The following TXNDC11 variants were observed in gnomAD, a reference collection of about 807,000 sequenced individuals.
TXNDC11 encodes thioredoxin domain containing 11, also known as thioredoxin domain-containing protein 11.
TXNDC11 carries 68 observed loss-of-function variants against 78.0 expected under a neutral mutation model. The observed-to-expected ratio is 0.87, with a 90% CI of 0.72 to 1.07. The LOEUF is 1.07. TXNDC11 is among the 50% of genes least tolerant of loss of function. TXNDC11 has a pLI of 0.00. For synonymous variants in TXNDC11, 571 were observed against 495.2 expected, an observed-to-expected ratio of 1.15 and a Z score of -2.03; for missense variants, 1,389 against 1,221.8, an observed-to-expected ratio of 1.14 and a Z score of -2.04.
Position 11,711,866 on chromosome 16 carries a change from G to C in TXNDC11, c.793+9711C>G, listed in dbSNP as rs78886017. On this transcript the variant is annotated intron_variant, in intron 5 of 11. Coordinates refer to ENST00000283033, the MANE Select transcript of TXNDC11 (RefSeq NM_015914.7). ...ACTTCAAAGGGTGACAGTGAAGACT[G>C]TGTCATTCAGGTAAAGTGCCTGGCT... 8.5e-5 allele frequency among the ~76,000 whole-genome samples: 13 copies of C among 152,300 alleles called. No individual in the cohort carries two copies. In the East Asian group the frequency reaches 2.5e-3, roughly 29 times the overall value.
Position 11,679,358 on chromosome 16 carries a change from A to G in TXNDC11, c.2714T>C (p.Leu905Pro), listed in dbSNP as rs766300684. ...KILVATMERKLEGRDGAESLA... is the reference protein window; with the variant it reads ...KILVATMERKPEGRDGAESLA... Reference sequence around the variant, plus strand: ...GCTTTCAGCTCCATCCCTGCCCTCCAGTTTCCTCTCCATGGTCGCCACCAG... The same window carrying G: ...GCTTTCAGCTCCATCCCTGCCCTCCGGTTTCCTCTCCATGGTCGCCACCAG... Residue 905 changes from leucine (L) to proline (P), a missense_variant, in exon 12 of 12, where the codon CTG (leucine) becomes CCG (proline). Transcript: ENST00000283033. The surrounding 1 kb of genome is among the most constrained non-coding windows in gnomAD (Gnocchi z 4.6). 6.2e-7 allele frequency: 1 copy of G among 1,610,398 alleles called. No homozygotes were observed. The highest frequency in any genetic ancestry group is 1.7e-5 in the Admixed American group (1 of 59,400).
intron 4 of TXNDC11, among the ~76,000 whole-genome samples, chr16:11,723,580 A>G (rs2051781102): frequency 1.3e-5 from 2 of 152,018 alleles, no homozygotes; most frequent in African/African-American, 4.8e-5. Context: ...GCAAGACTCC[A>G]TCTTAAAACA....
intron 4 of TXNDC11, among the ~76,000 whole-genome samples, chr16:11,724,890 C>T (rs369013507): frequency 1.3e-5 from 2 of 152,160 alleles, no homozygotes; most frequent in Admixed American, 1.3e-4. Context: ...GGATTACAGG[C>T]GCCCGCCACC....
At chr16:11,687,826 G>A (rs1264609381) in intron 10 of TXNDC11, 31 bp downstream of exon 10, 2 of 1,474,330 alleles carry the variant, frequency 1.4e-6, no homozygotes, top group African/African-American at 2.8e-5. Context: ...TGGGCATACA[G>A]CCCAAAGCGC....
At chr16:11,731,676 G>T (rs2052053559) in intron 3 of TXNDC11, among the ~76,000 whole-genome samples, 1 of 148,860 alleles carries the variant, frequency 6.7e-6, no homozygotes, top group South Asian at 2.1e-4. Context: ...ATAATACATG[G>T]TTACAGAAAT....
In TXNDC11 at chr16:11,684,344, T is replaced by C. The variant is rs888940081; in HGVS notation, c.2154-99A>G. 15 of 826,154 alleles carry C rather than the reference T, an allele frequency of 1.8e-5. 1 individual carries two copies. In the South Asian group the frequency reaches 2.3e-4, roughly 13 times the overall value. 51.2% of individuals were successfully genotyped at this position (826,154 alleles called of 1,614,324 possible). On this transcript the variant is annotated intron_variant, in intron 10 of 11. Transcript: ENST00000283033. ...AACTTCAAGAACCTGGTGCATTTTT[T>C]ACACCCCACATTGGGCTAGTCCCTT...
intron 10 of TXNDC11, among the ~76,000 whole-genome samples, chr16:11,684,861 T>A (rs370325405): frequency 2.0e-5 from 3 of 152,312 alleles, no homozygotes; most frequent in East Asian, 3.9e-4. Flanking sequence ...TAAGCAGACA[T>A]GGAGCCACAA....
Position 11,691,689 on chromosome 16 carries a change from G to A in TXNDC11, c.1501C>T (p.Pro501Ser), listed in dbSNP as rs1308987000. ...CAACATGCAGTGTAGTAGCTGAAGGGGCTATAGGAAGTTAAAAAATTGCTG... is the reference window on the plus strand; with the variant it reads ...CAACATGCAGTGTAGTAGCTGAAGGAGCTATAGGAAGTTAAAAAATTGCTG... ...ECSNFLTSYS[P>S]FSYYTACCRT... The change falls in exon 8 of 12, where the codon CCC becomes TCC. Residue 501 changes from proline (P) to serine (S), a missense_variant. Pro to Ser is a moderately conservative substitution (Grantham distance 74). Transcript: ENST00000283033. The A allele has an allele frequency of 6.2e-7, 1 of 1,614,154 alleles. No individual in the cohort carries two copies. Among genetic ancestry groups the A allele is most frequent in the South Asian group, 1.1e-5 (1 of 91,082 alleles).
At chr16:11,700,663 A>C in intron 5 of TXNDC11, 99 bp from the exon 6 acceptor site, 1 of 606,742 alleles carries the variant, frequency 1.6e-6, no homozygotes, top group Non-Finnish European at 3.0e-6. Flanking sequence ...CCCTGCAGCT[A>C]AGCTCCTTCT....
chr16:11,730,697 A>G lies in TXNDC11; in HGVS notation c.647T>C (p.Leu216Pro). 1 of 1,613,880 alleles carries G rather than the reference A, an allele frequency of 6.2e-7. No homozygotes were observed. Among genetic ancestry groups the G allele is most frequent in the Non-Finnish European group, 8.5e-7 (1 of 1,179,810 alleles). Residue 216 changes from leucine (L) to proline (P), a missense_variant, in exon 4 of 12, where the codon CTT becomes CCT. Physicochemically the swap from Leu to Pro is moderately conservative, Grantham distance 98. Coordinates refer to ENST00000283033, the MANE Select transcript of TXNDC11 (RefSeq NM_015914.7). Reference sequence around the variant, plus strand: ...TTCTGATTGAGATGGGATGTAGAGAAGTGGTTTCATCACCCGGCGGACAAA... The same window carrying G: ...TTCTGATTGAGATGGGATGTAGAGAGGTGGTTTCATCACCCGGCGGACAAA... ...EKFVRRVMKP[L>P]LYIPSQSELL...
intron 1 of TXNDC11, among the ~76,000 whole-genome samples, chr16:11,737,568 A>T (rs1292216778): frequency 7.2e-5 from 11 of 151,902 alleles, no homozygotes; most frequent in Admixed American, 7.2e-4. Flanking sequence ...AATTACGTTA[A>T]ATATAAAAGG....
In TXNDC11 at chr16:11,679,581, C is replaced by A. The variant is rs779290158; in HGVS notation, c.2491G>T (p.Ala831Ser). The A allele has an allele frequency of 1.4e-5, 23 of 1,614,090 alleles. No individual in the cohort carries two copies. The highest frequency in any genetic ancestry group is 1.9e-5 in the Non-Finnish European group (23 of 1,180,034). Residue 831 changes from alanine to serine, a missense_variant, in exon 12 of 12, where the codon GCC becomes TCC. By Grantham distance (99) the Ala-to-Ser change is moderately conservative. Coordinates refer to ENST00000283033, the MANE Select transcript of TXNDC11 (RefSeq NM_015914.7). This position sits in a 1 kb window ranked among gnomAD's most constrained non-coding sequence, Gnocchi z 4.6. ...CGCAGCCGGTGCTCATCTCTGCGGG[C>A]ACTGGAGAGCTGGGACTCCACCTGC... ...QVQVESQLSS[A>S]RRDEHRLRQQ...
intron 5 of TXNDC11, among the ~76,000 whole-genome samples, chr16:11,705,163 G>A (rs1423658777): frequency 6.6e-6 from 1 of 152,116 alleles, no homozygotes; most frequent in African/African-American, 2.4e-5. Flanking sequence ...CTCCCAAAGT[G>A]CTGAGATTAC....
At chr16:11,682,520 C>A (rs907699131) in intron 11 of TXNDC11, among the ~76,000 whole-genome samples, 2 of 152,198 alleles carry the variant, frequency 1.3e-5, no homozygotes, top group African/African-American at 4.8e-5. Flanking sequence ...CACCCTGCCA[C>A]CTGTTCCGCC....
intron 10 of TXNDC11, among the ~76,000 whole-genome samples, chr16:11,687,322 G>C (rs1210018262): frequency 6.6e-6 from 1 of 152,112 alleles, no homozygotes. Flanking sequence ...ACCCAAAACT[G>C]CTTACTACCC....
chr16:11,733,797 T>C (rs1356254056), intron 3 of TXNDC11, among the ~76,000 whole-genome samples, 185 bp downstream of exon 3: 1 of 152,218 alleles, frequency 6.6e-6, no homozygotes, highest in Non-Finnish European at 1.5e-5. Flanking sequence ...TACTGCCTGA[T>C]CCCATGTTTA....
chr16:11,733,930 ATAAACTGGCAAAC>A, intron 3 of TXNDC11, 39 bp downstream of exon 3: 1 of 1,355,646 alleles, frequency 7.4e-7, no homozygotes, highest in Non-Finnish European at 1.0e-6. Flanking sequence ...AAATTCATTT[ATAAACTGGCAAAC>A]TAAACTGGAA....
intron 5 of TXNDC11, among the ~76,000 whole-genome samples, chr16:11,703,509 TACACACACAC>T (rs34963301): frequency 3.4e-5 from 5 of 145,042 alleles, no homozygotes; most frequent in Middle Eastern, 3.5e-3. Flanking sequence ...AGGCTTTTGA[TACACACACAC>T]ACACACACAC....
chr16:11,710,992 A>C (rs558473238), intron 5 of TXNDC11, among the ~76,000 whole-genome samples: 2 of 152,204 alleles, frequency 1.3e-5, no homozygotes, highest in East Asian at 3.9e-4. Context: ...TCCAAGAAAG[A>C]AGCTGGGGTG....
Sources: gnomAD v4.1 joint callset for allele counts (sites outside exome capture counted in the v4.1 genomes callset) on GRCh38, gnomAD v4.1.1 for gene constraint, Gnocchi (gnomAD v3.1) non-coding constraint, MANE v1.5 for transcripts, NCBI Gene and HGNC (gene_info 2026-07-23, HGNC 2026-07-21) for gene names.